ALG5: variants seen among roughly 807,000 people sequenced by gnomAD.
ALG5 encodes ALG5 dolichyl-phosphate beta-glucosyltransferase.
A neutral mutation model predicts 51.8 loss-of-function variants in ALG5; 26 were observed. The observed-to-expected ratio is 0.50, with a 90% confidence interval of 0.37 to 0.70. The LOEUF is 0.70. Among genes scored for constraint, ALG5 ranks in the 30% least tolerant of loss-of-function variants. ALG5 has a pLI of 0.00. For synonymous variants in ALG5, 141 were observed against 136.1 expected, an observed-to-expected ratio of 1.04 and a Z score of -0.25; for missense variants, 311 against 399.3, an observed-to-expected ratio of 0.78 and a Z score of 1.88.
At chr13:36,987,501 G>T (rs1181443473) in intron 5 of ALG5, among the ~76,000 whole-genome samples, 6 of 152,174 alleles carry the variant, frequency 3.9e-5, no homozygotes, top group African/African-American at 1.4e-4. Flanking sequence ...AAAGTGTGTG[G>T]CACCACCGTG....
Position 36,999,259 on chromosome 13 carries a change from C to T in ALG5, c.42G>A (p.Ala14=). Residue 14 remains alanine (A), a synonymous_variant, in exon 1 of 10, where the codon GCG becomes GCA. Transcript: ENST00000239891. ...LLLQLAVLGA[A]LAAAALVLIS... ...CCAGTACGAGGGCTGCGGCCGCCAG[C>T]GCCGCGCCGAGCACCGCCAGCTGCA... 5 of 1,580,452 alleles carry T rather than the reference C, an allele frequency of 3.2e-6. No homozygotes were observed. Among genetic ancestry groups the T allele is most frequent in the Non-Finnish European group, 2.6e-6 (3 of 1,166,256 alleles).
upstream of ALG5, chr13:36,999,363 G>A: frequency 7.1e-7 from 1 of 1,408,084 alleles, no homozygotes; most frequent in South Asian, 1.6e-5. Flanking sequence ...GCGCCCGCGC[G>A]ACCCGGCCCC....
chr13:36,980,004 A>C (rs1357349505), intron 6 of ALG5, among the ~76,000 whole-genome samples: 1 of 152,180 alleles, frequency 6.6e-6, no homozygotes, highest in African/African-American at 2.4e-5. Flanking sequence ...CCAAGATCGC[A>C]TCACTGCACT....
intron 7 of ALG5, among the ~76,000 whole-genome samples, chr13:36,966,490 G>A (rs1161032084): frequency 6.6e-6 from 1 of 152,138 alleles, no homozygotes; most frequent in Admixed American, 6.5e-5. Flanking sequence ...GTAAAAGATA[G>A]GATCTTTCTA....
intron 5 of ALG5, 29 bp downstream of exon 5, chr13:36,989,455 T>C: frequency 1.9e-6 from 3 of 1,540,250 alleles, no homozygotes; most frequent in Non-Finnish European, 2.7e-6. Flanking sequence ...CTTCATATTT[T>C]AGATAAAAAT....
At chr13:36,983,063 T>C (rs2058986868) in intron 6 of ALG5, among the ~76,000 whole-genome samples, 1 of 152,186 alleles carries the variant, frequency 6.6e-6, no homozygotes, top group Non-Finnish European at 1.5e-5. Context: ...ATAAAGGAAC[T>C]AGATTTATAA....
chr13:36,993,725 T>C (rs1405121786), intron 3 of ALG5, 53 bp from the exon 4 acceptor site: 7 of 1,437,210 alleles, frequency 4.9e-6, no homozygotes, highest in Non-Finnish European at 6.8e-6. Flanking sequence ...CCATAAAGTA[T>C]TCTAATCAAA....
chr13:36,972,718 C>T (rs1052574463), intron 6 of ALG5, among the ~76,000 whole-genome samples: 8 of 152,190 alleles, frequency 5.3e-5, no homozygotes, highest in Admixed American at 1.3e-4. Context: ...TCTGGCCGGG[C>T]GTGGTGGCTC....
At chr13:36,974,533 T>C (rs1385002981) in intron 6 of ALG5, among the ~76,000 whole-genome samples, 1 of 152,220 alleles carries the variant, frequency 6.6e-6, no homozygotes, top group Non-Finnish European at 1.5e-5. Context: ...TTTACTCATG[T>C]ATGTCATGTT....
chr13:36,954,002 T>C (rs1440724823), intron 8 of ALG5, among the ~76,000 whole-genome samples: 1 of 151,936 alleles, frequency 6.6e-6, no homozygotes, highest in Admixed American at 6.6e-5. Flanking sequence ...TAGTGACTTA[T>C]CAAATACACA....
Position 36,950,053 on chromosome 13 carries a change from A to T in ALG5, c.864T>A (p.Ser288=), listed in dbSNP as rs766807133. Residue 288 remains serine (S), a synonymous_variant, in exon 10 of 10, where the codon TCT becomes TCA. Transcript: ENST00000239891. The stretch of plus-strand genomic sequence containing the variant: ...GCCAGCTCCAGAATGGAACTAATTT[A>T]GAACCTGTGATTTAAAAATAATTAA... ...IAVNWTEIEG[S]KLVPFWSWLQ... 1 of 1,578,474 alleles carries T rather than the reference A, an allele frequency of 6.3e-7. No individual in the cohort carries two copies. Among genetic ancestry groups the T allele is most frequent in the South Asian group, 1.1e-5 (1 of 87,854 alleles).
At position 36,949,970 on chromosome 13, in the gene ALG5, C is replaced by T. The variant is rs2058811296; in HGVS notation, c.947G>A (p.Arg316Lys). The change falls in exon 10 of 10, where the codon AGG becomes AAG. Residue 316 changes from arginine to lysine, a missense_variant. Arg to Lys is a conservative substitution (Grantham distance 26). Coordinates refer to ENST00000239891, the MANE Select transcript of ALG5 (RefSeq NM_013338.5). Reference sequence around the variant, plus strand: ...ATTCATTTTCCGAGTTTGCTCAAGCCTCCAGGCACCAGTCAAATATCGAAG... The same window carrying T: ...ATTCATTTTCCGAGTTTGCTCAAGCTTCCAGGCACCAGTCAAATATCGAAG... ...IRLRYLTGAWRLEQTRKMN is the reference protein window; with the variant it reads ...IRLRYLTGAWKLEQTRKMN 6.2e-6 allele frequency: 10 copies of T among 1,612,646 alleles called. No individual in the cohort carries two copies. The East Asian group carries it at 2.2e-4, about 36-fold the overall frequency.
intron 3 of ALG5, 31 bp from the exon 4 acceptor site, chr13:36,993,703 T>C (rs1301370434): frequency 5.7e-6 from 9 of 1,574,954 alleles, no homozygotes; most frequent in Non-Finnish European, 7.8e-6. Context: ...GTAATACAAT[T>C]TGGCATAACT....
At chr13:36,958,462 T>C (rs2058850632) in intron 8 of ALG5, among the ~76,000 whole-genome samples, 1 of 152,130 alleles carries the variant, frequency 6.6e-6, no homozygotes, top group African/African-American at 2.4e-5. Flanking sequence ...CCAGATGCAG[T>C]GCATGACTAA....
intron 5 of ALG5, among the ~76,000 whole-genome samples, chr13:36,987,243 G>A (rs1352490599): frequency 2.6e-5 from 4 of 152,100 alleles, no homozygotes; most frequent in African/African-American, 9.7e-5. Flanking sequence ...TCTTATACCA[G>A]CTCCTCCTCC....
intron 9 of ALG5, 88 bp from the exon 10 acceptor site, chr13:36,950,145 G>A: frequency 1.3e-6 from 1 of 766,142 alleles, no homozygotes; most frequent in South Asian, 2.0e-5. Flanking sequence ...CATGATCGTT[G>A]TGAGCCTTTA....
intron 8 of ALG5, among the ~76,000 whole-genome samples, chr13:36,957,078 AC>A (rs1255571767): frequency 1.3e-5 from 2 of 152,004 alleles, no homozygotes; most frequent in Non-Finnish European, 2.9e-5. Flanking sequence ...AAAACCCTTC[AC>A]CAGACCTTTC....
intron 9 of ALG5, 32 bp downstream of exon 9, chr13:36,952,482 C>G: frequency 6.8e-7 from 1 of 1,477,386 alleles, no homozygotes; most frequent in Non-Finnish European, 9.3e-7. Flanking sequence ...TTATCTGACT[C>G]AAGACAATCA....
At chr13:36,961,891 C>T (rs530159215) in intron 8 of ALG5, among the ~76,000 whole-genome samples, 7 of 152,090 alleles carry the variant, frequency 4.6e-5, no homozygotes, top group African/African-American at 7.2e-5. Flanking sequence ...AAGCAATTCT[C>T]CTGCCTCGGC....
Sources: allele counts gnomAD v4.1 joint callset (sites outside exome capture counted in the v4.1 genomes callset), GRCh38; gene constraint gnomAD v4.1.1; transcripts MANE v1.5; gene names NCBI Gene and HGNC (gene_info 2026-07-23, HGNC 2026-07-21).